TBC1D22B: variants seen among roughly 807,000 people sequenced by gnomAD.
TBC1D22B encodes TBC1 domain family member 22B.
A neutral mutation model predicts 69.1 loss-of-function variants in TBC1D22B; 32 were observed. The ratio of observed to expected loss-of-function variants is 0.46; its 90% CI spans 0.35 to 0.62. The LOEUF (loss-of-function observed/expected upper bound fraction) is 0.62, where lower values mean the gene tolerates loss of function less well. TBC1D22B is among the 20% of genes least tolerant of loss of function. The probability of loss-of-function intolerance (pLI) is 0.00; values close to 1 mark genes in which losing one functional copy is unlikely to be tolerated. For synonymous variants in TBC1D22B, 206 were observed against 229.8 expected (o/e 0.90, Z 0.94); for missense variants, 462 against 630.9 (o/e 0.73, Z 2.87).
At chr6:37,287,131 T>C (rs1481383121) in intron 7 of TBC1D22B, 59 bp downstream of exon 7, 3 of 1,441,318 alleles carry the variant, frequency 2.1e-6, no homozygotes, top group Non-Finnish European at 2.8e-6. Flanking sequence ...GTGGCACCTG[T>C]TTACAGGTTT....
intron 8 of TBC1D22B, among the ~76,000 whole-genome samples, chr6:37,292,107 G>A (rs1395515380): frequency 6.6e-6 from 1 of 152,190 alleles, no homozygotes; most frequent in African/African-American, 2.4e-5. Flanking sequence ...GTAGGAATAA[G>A]AACATCGAAA....
intron 10 of TBC1D22B, among the ~76,000 whole-genome samples, chr6:37,314,097 C>T (rs1768005862): frequency 6.6e-6 from 1 of 152,132 alleles, no homozygotes; most frequent in Admixed American, 6.5e-5. Context: ...TTCTTCTTTC[C>T]CCTTGGTTTC....
chr6:37,312,339 C>T (rs1767940516), intron 8 of TBC1D22B, among the ~76,000 whole-genome samples: 2 of 152,092 alleles, frequency 1.3e-5, no homozygotes, highest in Admixed American at 1.3e-4. Flanking sequence ...TGAGAAATAC[C>T]ATCTTGTTGG....
At chr6:37,266,663 A>G (rs951723653) in intron 1 of TBC1D22B, among the ~76,000 whole-genome samples, 2 of 151,862 alleles carry the variant, frequency 1.3e-5, no homozygotes, top group East Asian at 1.9e-4. Context: ...GGGTTTCACC[A>G]TGTTGGCCAG....
At chr6:37,272,733 G>A (rs981254634) in intron 2 of TBC1D22B, among the ~76,000 whole-genome samples, 12 of 152,108 alleles carry the variant, frequency 7.9e-5, no homozygotes, top group Non-Finnish European at 1.8e-4. Context: ...CTGTGTGATC[G>A]TCCCATTAAA....
intron 8 of TBC1D22B, among the ~76,000 whole-genome samples, chr6:37,312,581 C>A (rs529908856): frequency 6.6e-6 from 1 of 152,284 alleles, no homozygotes; most frequent in Non-Finnish European, 1.5e-5. Context: ...CTTCAGGGAT[C>A]TGAGTATAAT....
At chr6:37,294,593 A>G (rs1215977161) in intron 8 of TBC1D22B, among the ~76,000 whole-genome samples, 1 of 152,214 alleles carries the variant, frequency 6.6e-6, no homozygotes, top group Non-Finnish European at 1.5e-5. Flanking sequence ...GCCCGTGCTC[A>G]TTTACCATTC....
At position 37,297,397 on chromosome 6, in the gene TBC1D22B, A is replaced by G. The variant is rs1206602728; in HGVS notation, c.982+6040A>G. 4.6e-5 allele frequency among the ~76,000 whole-genome samples: 7 copies of G among 152,124 alleles called. No homozygotes were observed. In the South Asian group the frequency reaches 8.3e-4, roughly 18 times the overall value. ...ACACTGGTTTTTAAAGTACTTTACT[A>G]TTTGCAAAGAACTTGGACATACTGA... On this transcript the variant is annotated intron_variant, in intron 8 of 12. Transcript: ENST00000373491.
intron 1 of TBC1D22B, among the ~76,000 whole-genome samples, chr6:37,260,492 A>G (rs913308422): frequency 6.6e-6 from 1 of 152,246 alleles, no homozygotes; most frequent in Non-Finnish European, 1.5e-5. Context: ...TATAATTCAC[A>G]TACCATAAAA....
intron 10 of TBC1D22B, 28 bp from the exon 11 acceptor site, chr6:37,316,675 T>A (rs1384630767): frequency 3.7e-6 from 6 of 1,613,858 alleles, no homozygotes; most frequent in Admixed American, 1.7e-5. Flanking sequence ...TCCCCTAGGT[T>A]GATCCCCAAT....
chr6:37,309,170 CAG>C (rs1272682930), intron 8 of TBC1D22B, among the ~76,000 whole-genome samples: 1 of 152,146 alleles, frequency 6.6e-6, no homozygotes, highest in Non-Finnish European at 1.5e-5. Context: ...AATTGAGACA[CAG>C]AAAGTAAAGC....
chr6:37,302,584 G>A (rs1475695636), intron 8 of TBC1D22B, among the ~76,000 whole-genome samples: 2 of 152,102 alleles, frequency 1.3e-5, no homozygotes, highest in African/African-American at 4.8e-5. Flanking sequence ...ATATTTTTAG[G>A]TACAAAATGC....
intron 12 of TBC1D22B, among the ~76,000 whole-genome samples, chr6:37,324,735 T>C (rs1474359726): frequency 1.3e-5 from 2 of 152,220 alleles, no homozygotes; most frequent in African/African-American, 4.8e-5. Context: ...CCTTCTACTT[T>C]ATGCCTTACT....
At chr6:37,327,265 TCAGGAGA>T in intron 12 of TBC1D22B, among the ~76,000 whole-genome samples, 2 of 140,092 alleles carry the variant, frequency 1.4e-5, no homozygotes, top group African/African-American at 5.7e-5. Context: ...GATCACGAGG[TCAGGAGA>T]TCGAGACCAT....
At chr6:37,267,603 CTTTTTA>C (rs930813704) in intron 1 of TBC1D22B, among the ~76,000 whole-genome samples, 4 of 148,486 alleles carry the variant, frequency 2.7e-5, no homozygotes, top group Non-Finnish European at 5.9e-5. Flanking sequence ...GAAGATTTAT[CTTTTTA>C]TTTTAGTGAT....
At chr6:37,260,064 A>G (rs1476552880) in intron 1 of TBC1D22B, among the ~76,000 whole-genome samples, 2 of 152,218 alleles carry the variant, frequency 1.3e-5, no homozygotes, top group Non-Finnish European at 2.9e-5. Context: ...CTTACTTGGT[A>G]AAGAGAAATA....
At chr6:37,321,065 G>C (rs1334081969) in intron 12 of TBC1D22B, among the ~76,000 whole-genome samples, 1 of 152,192 alleles carries the variant, frequency 6.6e-6, no homozygotes, top group African/African-American at 2.4e-5. Flanking sequence ...TCTAATAGCA[G>C]CTAATTCTTA....
At chr6:37,309,661 A>G (rs1314742675) in intron 8 of TBC1D22B, among the ~76,000 whole-genome samples, 1 of 152,192 alleles carries the variant, frequency 6.6e-6, no homozygotes, top group Non-Finnish European at 1.5e-5. Flanking sequence ...TTGTGAGGCT[A>G]GTCCTGGAGA....
chr6:37,301,408 C>T (rs555235319), intron 8 of TBC1D22B, among the ~76,000 whole-genome samples: 1 of 152,324 alleles, frequency 6.6e-6, no homozygotes. Context: ...AGCCTCCCAT[C>T]CCGTGTATCC....
Sources: gnomAD v4.1 joint callset for allele counts (sites outside exome capture counted in the v4.1 genomes callset) on GRCh38, gnomAD v4.1.1 for gene constraint, MANE v1.5 for transcripts, NCBI Gene and HGNC (gene_info 2026-07-23, HGNC 2026-07-21) for gene names.